USP2: variants seen among roughly 807,000 people sequenced by gnomAD.
USP2 encodes ubiquitin carboxyl-terminal hydrolase 2.
USP2 carries 33 observed loss-of-function variants against 72.0 expected under a neutral mutation model. That is an observed-to-expected ratio of 0.46 (90% CI 0.35 to 0.61). The LOEUF (loss-of-function observed/expected upper bound fraction) is 0.61. Among genes scored for constraint, USP2 ranks in the 20% least tolerant of loss-of-function variants. The probability of loss-of-function intolerance (pLI) is 0.01; values close to 1 mark genes in which losing one functional copy is unlikely to be tolerated. For missense variants in USP2, 691 were observed against 797.8 expected, an observed-to-expected ratio of 0.87 and a Z score of 1.61; for synonymous variants, 296 against 312.5, an observed-to-expected ratio of 0.95 and a Z score of 0.56.
In USP2 at chr11:119,372,877, A is replaced by G; in HGVS notation, c.604T>C (p.Tyr202His). 1 of 1,608,806 alleles carries G rather than the reference A, an allele frequency of 6.2e-7. No individual in the cohort carries two copies. The highest frequency in any genetic ancestry group is 8.5e-7 in the Non-Finnish European group (1 of 1,178,032). Residue 202 changes from tyrosine (Y) to histidine (H), a missense_variant, in exon 2 of 13, where the codon TAT becomes CAT. Physicochemically the swap from Tyr to His is moderately conservative, Grantham distance 83. Transcript: ENST00000260187. Reference sequence around the variant, plus strand: ...TGAGATGCACTGCCCTTGCGACCATAGTTCTCCAGGTAGTCGACCAGGTAT... The same window carrying G: ...TGAGATGCACTGCCCTTGCGACCATGGTTCTCCAGGTAGTCGACCAGGTAT... The part of the protein sequence containing the change: ...PEYLVDYLEN[Y>H]GRKGSASQVP...
intron 2 of USP2, chr11:119,363,819 C>A: frequency 1.4e-6 from 2 of 1,382,536 alleles, no homozygotes; most frequent in South Asian, 1.7e-5. Flanking sequence ...AGGCCCTCGG[C>A]GCGGGGGTCC....
intron 1 of USP2, chr11:119,379,393 A>C: frequency 1.2e-6 from 1 of 805,994 alleles, no homozygotes; most frequent in Non-Finnish European, 1.5e-6. Context: ...CTTGAGACAA[A>C]AATATGGAGA....
At position 119,358,159 on chromosome 11, in the gene USP2, G is replaced by A; in HGVS notation, c.1331C>T (p.Pro444Leu). Residue 444 changes from proline (P) to leucine (L), a missense_variant, in exon 8 of 13, where the codon CCC becomes CTC. Pro to Leu is a moderately conservative substitution (Grantham distance 98). Coordinates refer to ENST00000260187, the MANE Select transcript of USP2 (RefSeq NM_004205.5). Reference sequence around the variant, plus strand: ...AACTGGGGTGCATACCTTAGCAATGGGCAGTGAGAGGTCCCAGAAGGGGTC... The same window carrying A: ...AACTGGGGTGCATACCTTAGCAATGAGCAGTGAGAGGTCCCAGAAGGGGTC... ...VFDPFWDLSL[P>L]IAKRGYPEVT... is the part of the protein sequence containing the mutation. 3 of 1,614,102 alleles carry A rather than the reference G, an allele frequency of 1.9e-6. No individual in the cohort carries two copies.
chr11:119,364,239 A>C lies in USP2; in HGVS notation c.775-4005T>G, dbSNP rs1463797976. 3.8e-6 allele frequency: 4 copies of C among 1,053,246 alleles called. No homozygotes were observed. The East Asian group carries it at 2.5e-4, about 65-fold the overall frequency. 65.2% of individuals were successfully genotyped at this position (1,053,246 alleles called of 1,614,324 possible). A position where few individuals can be genotyped will look rare whatever the true frequency, so the allele number is the denominator to read the frequency against. On this transcript the variant is annotated intron_variant, in intron 2 of 12. Transcript: ENST00000260187. Reference sequence around the variant, plus strand: ...CCCCGCCGGCGCCTCGGGCCCCGCGACGTCAGCGCTGGGGCGGGGCCAGGC... The same window carrying C: ...CCCCGCCGGCGCCTCGGGCCCCGCGCCGTCAGCGCTGGGGCGGGGCCAGGC...
intron 2 of USP2, among the ~76,000 whole-genome samples, chr11:119,362,526 A>G (rs1950779814): frequency 6.6e-6 from 1 of 152,050 alleles, no homozygotes; most frequent in East Asian, 1.9e-4. Flanking sequence ...AGTGGGGGCG[A>G]CAGAGGAGGG....
intron 2 of USP2, chr11:119,364,166 G>A (rs1437890360): frequency 1.7e-6 from 2 of 1,198,696 alleles, no homozygotes; most frequent in South Asian, 4.3e-5. Context: ...CCCGGCGTGC[G>A]CCGCCAACAG....
chr11:119,380,831 G>A, intron 1 of USP2: 1 of 156,712 alleles, frequency 6.4e-6, no homozygotes, highest in Middle Eastern at 5.2e-4. Context: ...TCCAGGGGAG[G>A]TGAGCAGCCC....
Position 119,356,662 on chromosome 11 carries a change from G to A in USP2, c.*173C>T, listed in dbSNP as rs1434383422. The A allele has an allele frequency of 4.6e-6, 3 of 655,062 alleles. No individual in the cohort carries two copies. The highest frequency in any genetic ancestry group is 2.9e-5 in the East Asian group (1 of 34,018). 40.6% of individuals were successfully genotyped at this position (655,062 alleles called of 1,614,324 possible). On this transcript the variant is annotated 3_prime_UTR_variant, in exon 13 of 13. Transcript: ENST00000260187. The stretch of plus-strand genomic sequence containing the variant: ...GCCGGGCCACAGCTCAGGAAAGCCC[G>A]GCTCCTTGCTCCAGACCCTGATCAG...
chr11:119,358,704 C>T, intron 7 of USP2, 69 bp downstream of exon 7: 2 of 1,560,598 alleles, frequency 1.3e-6, no homozygotes, highest in Non-Finnish European at 1.8e-6. Context: ...ATTCTTAGGG[C>T]TTTTCATGCT....
At chr11:119,359,442 G>C in intron 4 of USP2, 95 bp downstream of exon 4, 3 of 1,593,970 alleles carry the variant, frequency 1.9e-6, no homozygotes, top group Non-Finnish European at 2.6e-6. Context: ...AGACAGACAG[G>C]ATAGGAGTGT....
intron 1 of USP2, among the ~76,000 whole-genome samples, chr11:119,375,282 G>A (rs1950985945): frequency 6.6e-6 from 1 of 152,254 alleles, no homozygotes; most frequent in Non-Finnish European, 1.5e-5. Context: ...TTTGGGGTAG[G>A]TACAGGGGTG....
At chr11:119,379,375 G>T in intron 1 of USP2, 1 of 730,970 alleles carries the variant, frequency 1.4e-6, no homozygotes, top group Non-Finnish European at 1.7e-6. Flanking sequence ...AGAGGGGTGG[G>T]GGTGGAACTT....
At chr11:119,379,350 C>A (rs511401) in intron 1 of USP2, 10 of 920,072 alleles carry the variant, frequency 1.1e-5, no homozygotes, top group African/African-American at 1.8e-5. Flanking sequence ...GAGGAAAGAG[C>A]ATTGAAAAGA....
chr11:119,357,935 A>G (rs1950695545), intron 9 of USP2, 46 bp downstream of exon 9: 3 of 1,613,680 alleles, frequency 1.9e-6, no homozygotes, highest in Non-Finnish European at 2.5e-6. Context: ...TCTTCCCAGT[A>G]GGTCCCACGG....
At chr11:119,366,472 C>T (rs1198814665) in intron 2 of USP2, among the ~76,000 whole-genome samples, 1 of 152,206 alleles carries the variant, frequency 6.6e-6, no homozygotes, top group Non-Finnish European at 1.5e-5. Flanking sequence ...ATTCAGTTTG[C>T]ATGGTGTTAA....
intron 1 of USP2, chr11:119,379,016 G>T: frequency 1.0e-6 from 1 of 985,498 alleles, no homozygotes; most frequent in Non-Finnish European, 1.2e-6. Flanking sequence ...CCTGTGTCCA[G>T]GGGCACTGGA....
intron 2 of USP2, among the ~76,000 whole-genome samples, chr11:119,368,636 C>T (rs1312897926): frequency 1.3e-5 from 2 of 152,210 alleles, no homozygotes; most frequent in African/African-American, 4.8e-5. Flanking sequence ...TTTCCCAGAC[C>T]TTTTGCTCCT....
At chr11:119,362,245 C>CT (rs1483546465) in intron 2 of USP2, among the ~76,000 whole-genome samples, 1 of 152,096 alleles carries the variant, frequency 6.6e-6, no homozygotes, top group African/African-American at 2.4e-5. Flanking sequence ...AGAAGCACTC[C>CT]TGTGGTGTTT....
chr11:119,357,089 C>CG lies in USP2; in HGVS notation c.1730+97dup, dbSNP rs1011966069. 1.6e-4 allele frequency: 91 copies of CG among 562,396 alleles called. 2 individuals are homozygous for CG. The East Asian group carries it at 8.7e-3, about 54-fold the overall frequency. The allele number at this position is 562,396 out of a possible 1,614,324, so 34.8% of individuals were successfully genotyped here. On this transcript the variant is annotated intron_variant, in intron 12 of 12. Coordinates refer to ENST00000260187, the MANE Select transcript of USP2 (RefSeq NM_004205.5). Reference sequence around the variant, plus strand: ...CCATCCATTCTCGGTGTAAGCCGTGCGGGGGGTGGGAGGGGGGTGGGTTTG... The same window carrying CG: ...CCATCCATTCTCGGTGTAAGCCGTGCGGGGGGGTGGGAGGGGGGTGGGTTTG...
Sources: gnomAD v4.1 joint callset for allele counts (sites outside exome capture counted in the v4.1 genomes callset) on GRCh38, gnomAD v4.1.1 for gene constraint, MANE v1.5 for transcripts, NCBI Gene and HGNC (gene_info 2026-07-23, HGNC 2026-07-21) for gene names.